Variants in CREBBP observed in about 807,000 individuals in gnomAD.
CREBBP encodes the protein CREB-binding protein.
A neutral mutation model predicts 265.0 loss-of-function variants in CREBBP; 19 were observed. That is an observed-to-expected ratio of 0.07 (90% CI 0.05 to 0.11). The LOEUF is 0.11. Ranked by LOEUF, CREBBP falls within the 10% of genes least tolerant of loss-of-function variation. The pLI, the probability that CREBBP is intolerant of heterozygous loss-of-function variation, is 1.00. For missense variants in CREBBP, 2,525 were observed against 3,219.0 expected, an observed-to-expected ratio of 0.78 and a Z score of 5.22; for synonymous variants, 1,457 against 1,223.7, an observed-to-expected ratio of 1.19 and a Z score of -3.98.
intron 13 of CREBBP, among the ~76,000 whole-genome samples, chr16:3,771,955 C>T (rs916701218): frequency 8.6e-5 from 13 of 151,862 alleles, no homozygotes; most frequent in Non-Finnish European, 1.3e-4. Flanking sequence ...GGATTACAGG[C>T]GTGCAATACC....
rs114436262 is a variant in CREBBP at position 3,740,224 on chromosome 16, T to C, written c.4133+175A>G. On this transcript the variant is annotated intron_variant, in intron 24 of 30. Transcript: ENST00000262367. ...TCTCAAAATAGCTTACTGCACTGTA[T>C]AGGGTAACTAAAACCCCAGACAGGA... is the stretch of plus-strand genomic sequence containing the variant. Among the ~76,000 whole-genome samples the C allele has an allele frequency of 9.6e-3, 1,462 of 152,314 alleles. 16 individuals carry two copies. Among genetic ancestry groups the C allele is most frequent in the African/African-American group, 0.032 (1,322 of 41,550 alleles).
At position 3,880,583 on chromosome 16, in the gene CREBBP, G is replaced by C. The variant is rs1242724797; in HGVS notation, c.-667C>G. On this transcript the variant is annotated 5_prime_UTR_variant, in exon 1 of 31. Transcript: ENST00000262367. ...CGCCGGGGCGGGCGCCGAGGGCCGGGCGGAGCGGGCCGGCCGGGCGGAGCG... is the reference window on the plus strand; with the variant it reads ...CGCCGGGGCGGGCGCCGAGGGCCGGCCGGAGCGGGCCGGCCGGGCGGAGCG... The C allele has an allele frequency of 6.8e-6, 1 of 146,486 alleles. No individual in the cohort carries two copies. 9.1% of individuals were successfully genotyped at this position (146,486 alleles called of 1,614,324 possible).
intron 3 of CREBBP, among the ~76,000 whole-genome samples, chr16:3,801,209 A>T (rs2053705672): frequency 6.6e-6 from 1 of 152,240 alleles, no homozygotes; most frequent in Admixed American, 6.5e-5. Context: ...CAGAGGGCTG[A>T]CCACCTTGCA....
chr16:3,736,573 G>A (rs955902923), intron 27 of CREBBP, 77 bp downstream of exon 27: 43 of 1,581,378 alleles, frequency 2.7e-5, no homozygotes, highest in Admixed American at 8.3e-5. Context: ...ACAAGTATGC[G>A]AATGCAAGAA....
chr16:3,853,304 G>T (rs921322800), intron 1 of CREBBP, among the ~76,000 whole-genome samples: 1 of 152,152 alleles, frequency 6.6e-6, no homozygotes, highest in Admixed American at 6.5e-5. Flanking sequence ...TTTAATAAGC[G>T]GCTGTATAAT....
rs993390141 is a variant in CREBBP at position 3,731,628 on chromosome 16, G to T, written c.4890+148C>A. 25 of 1,399,054 alleles carry T rather than the reference G, an allele frequency of 1.8e-5. No homozygotes were observed. Among genetic ancestry groups the T allele is most frequent in the Non-Finnish European group, 2.4e-5 (24 of 994,794 alleles). 86.7% of individuals were successfully genotyped at this position (1,399,054 alleles called of 1,614,324 possible). On this transcript the variant is annotated intron_variant, in intron 29 of 30. Transcript: ENST00000262367. This position sits in a 1 kb window ranked among gnomAD's most constrained non-coding sequence, Gnocchi z 7.7. The stretch of plus-strand genomic sequence containing the variant: ...GATGGAACAAAATTGGTGACACGTT[G>T]CATGATGTCACCCAACTGGTCCACT...
intron 16 of CREBBP, among the ~76,000 whole-genome samples, chr16:3,762,612 C>T (rs1012191724): frequency 3.9e-5 from 6 of 152,210 alleles, no homozygotes; most frequent in African/African-American, 1.2e-4. Flanking sequence ...CTGCTCCACG[C>T]GGCAGGGCTG....
At chr16:3,740,823 G>T in intron 23 of CREBBP, 1 of 476,454 alleles carries the variant, frequency 2.1e-6, no homozygotes, top group Non-Finnish European at 3.9e-6. Context: ...AAGACCTATA[G>T]CGGTGGGTCC....
chr16:3,794,003 A>C (rs544677670), intron 3 of CREBBP, among the ~76,000 whole-genome samples: 1 of 152,320 alleles, frequency 6.6e-6, no homozygotes, highest in South Asian at 2.1e-4. Flanking sequence ...AAACACTGGC[A>C]ATTTCATAGG....
At position 3,740,560 on chromosome 16, in the gene CREBBP, C is replaced by G. The variant is rs1303635733; in HGVS notation, c.3983-11G>C. 6.2e-7 allele frequency: 1 copy of G among 1,614,114 alleles called. No individual in the cohort carries two copies. Among genetic ancestry groups the G allele is most frequent in the Non-Finnish European group, 8.5e-7 (1 of 1,180,012 alleles). On this transcript the variant is annotated splice_polypyrimidine_tract_variant and intron_variant, in intron 23 of 30. Transcript: ENST00000262367. ...TTGTGGTCTGCAGCCCTAGGAAGTC[C>G]AGAAGGAGCAGGTGAGAGGGCTTCA... is the stretch of plus-strand genomic sequence containing the variant.
chr16:3,808,976 C>T (rs550479912), intron 3 of CREBBP, among the ~76,000 whole-genome samples: 49 of 152,244 alleles, frequency 3.2e-4, no homozygotes, highest in African/African-American at 1.2e-3. Context: ...GAGGGGCTGA[C>T]CTAGGGTCCT....
intron 2 of CREBBP, among the ~76,000 whole-genome samples, chr16:3,840,273 C>G (rs1015465468): frequency 6.6e-6 from 1 of 152,138 alleles, no homozygotes; most frequent in African/African-American, 2.4e-5. Flanking sequence ...GAAATTCCAG[C>G]CAGGCATGAT....
intron 19 of CREBBP, among the ~76,000 whole-genome samples, chr16:3,754,636 T>A (rs2052547567): frequency 6.6e-6 from 1 of 152,190 alleles, no homozygotes; most frequent in African/African-American, 2.4e-5. Flanking sequence ...TCAGTACATA[T>A]CACTGGGATA....
At chr16:3,757,702 T>G in intron 18 of CREBBP, 107 bp downstream of exon 18, 2 of 1,476,718 alleles carry the variant, frequency 1.4e-6, no homozygotes, top group South Asian at 1.2e-5. Context: ...GACAGCAGAT[T>G]GCACATATGC....
At chr16:3,860,185 C>T (rs2055045516) in intron 1 of CREBBP, among the ~76,000 whole-genome samples, 2 of 152,152 alleles carry the variant, frequency 1.3e-5, no homozygotes, top group Admixed American at 6.5e-5. Context: ...ACTGTTGACA[C>T]TGAGTATAGG....
intron 2 of CREBBP, among the ~76,000 whole-genome samples, chr16:3,842,542 T>G (rs1342740795): frequency 6.6e-6 from 1 of 152,232 alleles, no homozygotes; most frequent in Non-Finnish European, 1.5e-5. Flanking sequence ...TAAAAAACTC[T>G]TATCATGCCT....
chr16:3,777,911 A>C, intron 10 of CREBBP, 100 bp downstream of exon 10: 3 of 1,391,672 alleles, frequency 2.2e-6, no homozygotes, highest in Non-Finnish European at 2.0e-6. Flanking sequence ...CAGGGCATGC[A>C]TCAGATATTC....
Position 3,769,250 on chromosome 16 carries a change from A to T in CREBBP, c.2984T>A (p.Leu995Gln), listed in dbSNP as rs2141191222. ...SQQPGPDVPV[L>Q]EMKTETQAED... is the part of the protein sequence containing the mutation. ...TGCTTGGGTCTCCGTCTTCATTTCC[A>T]GCACAGGTACGTCAGGTCCTGGCTG... Residue 995 changes from leucine to glutamine, a missense_variant, in exon 15 of 31, where the codon CTG becomes CAG. By Grantham distance (113) the Leu-to-Gln change is moderately radical. This residue lies in a region of CREBBP where 548 missense variants were observed against 533.0 expected (regional missense o/e 1.03). Coordinates refer to ENST00000262367, the MANE Select transcript of CREBBP (RefSeq NM_004380.3). 1 of 1,614,148 alleles carries T rather than the reference A, an allele frequency of 6.2e-7. No homozygotes were observed. Among genetic ancestry groups the T allele is most frequent in the Non-Finnish European group, 8.5e-7 (1 of 1,180,040 alleles).
intron 1 of CREBBP, among the ~76,000 whole-genome samples, chr16:3,877,332 A>C (rs756217887): frequency 3.3e-5 from 5 of 152,222 alleles, no homozygotes; most frequent in African/African-American, 4.8e-5. Flanking sequence ...TTATTTGTTT[A>C]AAATACATCC....
Sources: gnomAD v4.1 joint callset for allele counts (sites outside exome capture counted in the v4.1 genomes callset) on GRCh38, gnomAD v4.1.1 for gene constraint, gnomAD v4.1.1 regional missense constraint, Gnocchi (gnomAD v3.1) non-coding constraint, MANE v1.5 for transcripts, NCBI Gene and HGNC (gene_info 2026-07-23, HGNC 2026-07-21) for gene names.